The following VAC14 variants were observed in gnomAD, a reference collection of about 807,000 sequenced individuals.
VAC14 encodes the protein protein VAC14 homolog.
In VAC14, 47 loss-of-function variants were observed where a neutral mutation model predicts 85.3. That is an observed-to-expected ratio of 0.55 (90% CI 0.44 to 0.70). The LOEUF is 0.70. Ranked by LOEUF, VAC14 falls within the 30% of genes least tolerant of loss-of-function variation. VAC14 has a pLI of 0.00. For synonymous variants in VAC14, 447 were observed against 430.5 expected (o/e 1.04, Z -0.47); for missense variants, 861 against 1,004.3 (o/e 0.86, Z 1.93).
At position 70,718,573 on chromosome 16, in the gene VAC14, TA is replaced by T. The variant is rs1202785836; in HGVS notation, c.1661+12921del. Among the ~76,000 whole-genome samples the T allele has an allele frequency of 4.6e-3, 652 of 143,178 alleles. 6 individuals carry two copies. The highest frequency in any genetic ancestry group is 0.015 in the African/African-American group (591 of 38,368). 93.9% of individuals were successfully genotyped at this position (143,178 alleles called of 152,430 possible). A position where few individuals can be genotyped will look rare whatever the true frequency, so the allele number is the denominator to read the frequency against. On this transcript the variant is annotated intron_variant, in intron 14 of 18. Coordinates refer to ENST00000261776, the MANE Select transcript of VAC14 (RefSeq NM_018052.5). ...TGGGTGACAGAATGAGACTCCTTTT[TA>T]AAAAAAAAAAAAACAAAAAAACAAA...
intron 9 of VAC14, among the ~76,000 whole-genome samples, chr16:70,777,050 G>A (rs1006063501): frequency 6.6e-6 from 1 of 150,542 alleles, no homozygotes; most frequent in Non-Finnish European, 1.5e-5. Context: ...CTCGTGATCC[G>A]CCCACCTCAG....
Position 70,725,487 on chromosome 16 carries a change from G to A in VAC14, c.1661+6008C>T, listed in dbSNP as rs570758179. ...ATTAAAAACAAGTCCAGTTTCTAGC[G>A]GCTGCCCGGCCCCCCACCCCCTCAG... On this transcript the variant is annotated intron_variant, in intron 14 of 18. Transcript: ENST00000261776. 1.6e-4 allele frequency among the ~76,000 whole-genome samples: 24 copies of A among 152,130 alleles called. No homozygotes were observed. In the East Asian group the frequency reaches 4.3e-3, roughly 27 times the overall value.
rs373890747 is a variant in VAC14 at position 70,785,697 on chromosome 16, G to A, written c.423+5C>T. ...CTCAGTGAGGAGGAGGAGGAGGGCG[G>A]TTACCTTGCTCAGCCCGTCAAAGAG... On this transcript the variant is annotated splice_donor_5th_base_variant and intron_variant, in intron 3 of 18. Transcript: ENST00000261776. 22 of 1,552,432 alleles carry A rather than the reference G, an allele frequency of 1.4e-5. No homozygotes were observed. Among genetic ancestry groups the A allele is most frequent in the Admixed American group, 9.7e-5 (5 of 51,324 alleles).
At chr16:70,753,312 C>G (rs960293469) in intron 12 of VAC14, among the ~76,000 whole-genome samples, 11 of 152,202 alleles carry the variant, frequency 7.2e-5, no homozygotes, top group African/African-American at 2.7e-4. Flanking sequence ...CTGGGCTCAC[C>G]TGGGCTCACC....
rs574691742 is a variant in VAC14, at chr16:70,739,745, C to T, written c.1528+4678G>A. Among the ~76,000 whole-genome samples, 17 of 152,290 alleles carry T rather than the reference C, an allele frequency of 1.1e-4. 1 individual carries two copies. The South Asian group carries it at 2.3e-3, about 20-fold the overall frequency. On this transcript the variant is annotated intron_variant, in intron 13 of 18. Transcript: ENST00000261776. ...TGCTGGCAGCCATGATGATTGTTGC[C>T]GTGATTACTGGGGAAAATGGCTTTC...
chr16:70,689,878 G>A, intron 18 of VAC14: 2 of 985,500 alleles, frequency 2.0e-6, no homozygotes, highest in Non-Finnish European at 2.4e-6. Flanking sequence ...CTTCTAAGGA[G>A]GCCAAGGGCC....
In VAC14 at chr16:70,698,793, C is replaced by A; in HGVS notation, c.1680G>T (p.Leu560=). The change falls in exon 15 of 19, where the codon CTG becomes CTT. Residue 560 remains leucine, a synonymous_variant. Coordinates refer to ENST00000261776, the MANE Select transcript of VAC14 (RefSeq NM_018052.5). ...PFIIRQLCLL[L]NAENIFHSMA... ...TTGAGTGGAAGATGTTCTCCGCATT[C>A]AGCAGGAGGCACAGCTGCCTGGAGA... 1 of 1,614,020 alleles carries A rather than the reference C, an allele frequency of 6.2e-7. No individual in the cohort carries two copies. Among genetic ancestry groups the A allele is most frequent in the South Asian group, 1.1e-5 (1 of 91,074 alleles).
chr16:70,740,449 T>C (rs1013590921), intron 13 of VAC14, among the ~76,000 whole-genome samples: 11 of 152,292 alleles, frequency 7.2e-5, no homozygotes, highest in African/African-American at 2.2e-4. Flanking sequence ...TCTGGCAGCA[T>C]AGATGTCCAG....
At chr16:70,774,454 C>T (rs1389014456) in intron 9 of VAC14, among the ~76,000 whole-genome samples, 3 of 152,170 alleles carry the variant, frequency 2.0e-5, no homozygotes, top group Non-Finnish European at 2.9e-5. Context: ...TTAACCTCAT[C>T]GCCTGACGCA....
At chr16:70,732,642 AT>A (rs113854246) in intron 13 of VAC14, among the ~76,000 whole-genome samples, 3,785 of 143,776 alleles carry the variant, frequency 0.026, 94 homozygotes, top group African/African-American at 0.074. Flanking sequence ...TGAGGCAGGA[AT>A]TTTTTTTTTT....
At chr16:70,740,768 TGC>T (rs2030202501) in intron 13 of VAC14, among the ~76,000 whole-genome samples, 1 of 152,206 alleles carries the variant, frequency 6.6e-6, no homozygotes, top group Non-Finnish European at 1.5e-5. Context: ...TCCCCGATTC[TGC>T]GGCTCTGCAC....
chr16:70,695,644 A>G lies in VAC14; in HGVS notation c.1956-21T>C, dbSNP rs1372685655. ...CCCCACTGGGTGTGCAGTCAAGGAA[A>G]GTCTGTCTGCTGGGCCAGCACAGCC... On this transcript the variant is annotated intron_variant, in intron 16 of 18. Transcript: ENST00000261776. 4 of 1,609,642 alleles carry G rather than the reference A, an allele frequency of 2.5e-6. No homozygotes were observed. In the Admixed American group the frequency reaches 6.7e-5, roughly 27 times the overall value.
At chr16:70,695,518 G>A (rs756852328) in intron 17 of VAC14, 26 bp downstream of exon 17, 15 of 1,611,944 alleles carry the variant, frequency 9.3e-6, no homozygotes, top group African/African-American at 6.7e-5. Context: ...CTCATGGCGC[G>A]AGGTGTGGTG....
At position 70,801,136 on chromosome 16, in the gene VAC14, A is replaced by C. The variant is rs1228441527; in HGVS notation, c.-236T>G. The C allele has an allele frequency of 7.1e-6, 3 of 421,810 alleles. No individual in the cohort carries two copies. The highest frequency in any genetic ancestry group is 1.3e-5 in the Non-Finnish European group (3 of 239,844). 26.1% of individuals were successfully genotyped at this position (421,810 alleles called of 1,614,324 possible). On this transcript the variant is annotated 5_prime_UTR_variant, in exon 1 of 19. Transcript: ENST00000261776. Reference sequence around the variant, plus strand: ...GCCCGGCACTAGCGGGACTCACGAGACAGCGGCCATGTTACTCGAGTCACA... The same window carrying C: ...GCCCGGCACTAGCGGGACTCACGAGCCAGCGGCCATGTTACTCGAGTCACA...
intron 9 of VAC14, among the ~76,000 whole-genome samples, chr16:70,776,612 T>G (rs1387720159): frequency 6.6e-6 from 1 of 151,992 alleles, no homozygotes; most frequent in South Asian, 2.1e-4. Flanking sequence ...TTATTTTGTT[T>G]TGAGATGGGG....
chr16:70,764,318 A>G (rs1401863264), intron 10 of VAC14, among the ~76,000 whole-genome samples: 1 of 152,198 alleles, frequency 6.6e-6, no homozygotes, highest in Non-Finnish European at 1.5e-5. Flanking sequence ...ACAGCCACAG[A>G]GCCTGGAACT....
At chr16:70,706,505 C>T (rs1353752364) in intron 14 of VAC14, among the ~76,000 whole-genome samples, 2 of 152,168 alleles carry the variant, frequency 1.3e-5, no homozygotes, top group Admixed American at 6.5e-5. Flanking sequence ...CACAGAGGGG[C>T]GAGCCCTTGT....
At position 70,688,723 on chromosome 16, in the gene VAC14, T is replaced by C. The variant is rs1448041451; in HGVS notation, c.2187-633A>G. The C allele has an allele frequency of 1.3e-5, 13 of 985,558 alleles. No homozygotes were observed. The South Asian group carries it at 5.6e-4, about 43-fold the overall frequency. 61.1% of individuals were successfully genotyped at this position (985,558 alleles called of 1,614,324 possible). A position where few individuals can be genotyped will look rare whatever the true frequency, so the allele number is the denominator to read the frequency against. On this transcript the variant is annotated intron_variant, in intron 18 of 18. Coordinates refer to ENST00000261776, the MANE Select transcript of VAC14 (RefSeq NM_018052.5). The stretch of plus-strand genomic sequence containing the variant: ...TTGCTCTGTACAGCAACACAGGTTG[T>C]GCACTGCACAGCTAGTGTGCATGAT...
At chr16:70,691,416 G>A (rs770509702) in intron 18 of VAC14, 10 of 985,342 alleles carry the variant, frequency 1.0e-5, no homozygotes, top group Non-Finnish European at 1.2e-5. Flanking sequence ...GGGCGTTGAA[G>A]GGCCAAGGCA....
Sources: gnomAD v4.1 joint callset for allele counts (sites outside exome capture counted in the v4.1 genomes callset) on GRCh38, gnomAD v4.1.1 for gene constraint, MANE v1.5 for transcripts, NCBI Gene and HGNC (gene_info 2026-07-23, HGNC 2026-07-21) for gene names.